USP35: variants seen among roughly 807,000 people sequenced by gnomAD.
USP35 encodes ubiquitin specific peptidase 35, also known as ubiquitin carboxyl-terminal hydrolase 35.
Under a neutral mutation model 83.8 loss-of-function variants are expected in USP35, and 69 were observed. The observed-to-expected ratio is 0.82, with a 90% CI of 0.68 to 1.01. The LOEUF (loss-of-function observed/expected upper bound fraction) is 1.01, where lower values mean the gene tolerates loss of function less well. USP35 is among the 50% of genes least tolerant of loss of function. USP35 has a pLI of 0.00. For synonymous variants in USP35, 714 were observed against 589.5 expected (o/e 1.21, Z -3.06); for missense variants, 1,503 against 1,362.5 (o/e 1.10, Z -1.62).
Position 78,214,544 on chromosome 11 carries a change from TAGGAAGCCTG to T in USP35, c.*732_*741del, listed in dbSNP as rs1231534772. The T allele has an allele frequency of 2.0e-5, 3 of 150,042 alleles. No individual in the cohort carries two copies. The highest frequency in any genetic ancestry group is 4.4e-5 in the Non-Finnish European group (3 of 67,936). 9.3% of individuals were successfully genotyped at this position (150,042 alleles called of 1,614,324 possible). A position where few individuals can be genotyped will look rare whatever the true frequency, so the allele number is the denominator to read the frequency against. ...ATGTTCCTTGTGAAGTGTGGGCTCT[TAGGAAGCCTG>T]TGGGCTCCTCTGAGCAGTTGGCCTT... On this transcript the variant is annotated 3_prime_UTR_variant, in exon 11 of 11. Coordinates refer to ENST00000529308, the MANE Select transcript of USP35 (RefSeq NM_020798.4).
chr11:78,226,224 A>G, the USP35 span, among the ~76,000 whole-genome samples: 1 of 152,250 alleles, frequency 6.6e-6, no homozygotes, highest in Non-Finnish European at 1.5e-5. Context: ...CCTATTCTCC[A>G]TTAGTAGAAC....
In USP35 at chr11:78,213,748, G is replaced by T. The variant is rs760707490; in HGVS notation, c.2992G>T (p.Gly998Cys). ...TGATGAAGACAAGGATGAGGATGAA[G>T]GCTCTCCAGGGGGCTGCAATCCTGC... ...GFDEDKDEDE[G>C]SPGGCNPAGG... Residue 998 changes from glycine (G) to cysteine (C), a missense_variant, in exon 11 of 11, where the codon GGC becomes TGC. Physicochemically the swap from Gly to Cys is radical, Grantham distance 159. Coordinates refer to ENST00000529308, the MANE Select transcript of USP35 (RefSeq NM_020798.4). 5 of 1,542,218 alleles carry T rather than the reference G, an allele frequency of 3.2e-6. No individual in the cohort carries two copies. In the African/African-American group the frequency reaches 7.2e-5, roughly 22 times the overall value.
the USP35 span, among the ~76,000 whole-genome samples, chr11:78,230,956 C>A: frequency 3.9e-5 from 6 of 152,298 alleles, no homozygotes; most frequent in East Asian, 1.2e-3. Context: ...GATAATCCAC[C>A]TGGAAGTGGT....
intron 1 of USP35, among the ~76,000 whole-genome samples, chr11:78,192,467 G>T (rs1328253034): frequency 2.6e-5 from 4 of 152,230 alleles, no homozygotes; most frequent in African/African-American, 2.4e-5. Context: ...GGCCTGATGG[G>T]GCCAGGTGAG....
At chr11:78,198,583 G>T in intron 3 of USP35, 1 of 983,902 alleles carries the variant, frequency 1.0e-6, no homozygotes, top group Non-Finnish European at 1.2e-6. Flanking sequence ...CTCCCTGCAG[G>T]CCTTTGCCTA....
chr11:78,221,662 G>C, the USP35 span: 1 of 1,546,850 alleles, frequency 6.5e-7, no homozygotes, highest in Non-Finnish European at 8.9e-7. Flanking sequence ...TTCCAGCGAA[G>C]CCCGAAGGAC....
At chr11:78,231,852 A>G in the USP35 span, 5 of 152,264 alleles carry the variant, frequency 3.3e-5, no homozygotes, top group Non-Finnish European at 7.3e-5. Context: ...GTGACTTAAT[A>G]TAAAATGCTT....
At chr11:78,200,832 G>A (rs780619513) in intron 6 of USP35, 24 bp downstream of exon 6, 24 of 1,577,330 alleles carry the variant, frequency 1.5e-5, no homozygotes, top group South Asian at 2.3e-5. Context: ...CCCTACTTGG[G>A]CCTTGCCCCA....
chr11:78,207,379 C>T (rs530622416), intron 7 of USP35, 151 bp from the exon 8 acceptor site: 38 of 691,648 alleles, frequency 5.5e-5, no homozygotes, highest in Admixed American at 3.0e-4. Flanking sequence ...ACCTGCTCCT[C>T]CTCCCCAGCC....
chr11:78,203,892 C>CTTTTTTT, intron 6 of USP35, among the ~76,000 whole-genome samples: 1 of 114,366 alleles, frequency 8.7e-6, no homozygotes, highest in Non-Finnish European at 1.9e-5. Flanking sequence ...TTTTTCTTTT[C>CTTTTTTT]TTTTTTTTTT....
chr11:78,225,785 T>C, the USP35 span, among the ~76,000 whole-genome samples: 1 of 152,316 alleles, frequency 6.6e-6, no homozygotes, highest in Admixed American at 6.5e-5. Context: ...TCATGTGAGA[T>C]GGAGACAAGG....
chr11:78,227,981 T>A, the USP35 span, among the ~76,000 whole-genome samples: 661 of 152,230 alleles, frequency 4.3e-3, 2 homozygotes, highest in African/African-American at 0.015. Flanking sequence ...TAGAAAAAGT[T>A]TTGATTAGTA....
chr11:78,226,406 T>C, the USP35 span: 4 of 1,341,332 alleles, frequency 3.0e-6, no homozygotes, highest in Middle Eastern at 1.8e-4. Flanking sequence ...CATCAAACTA[T>C]TGAGAACCCC....
the USP35 span, among the ~76,000 whole-genome samples, chr11:78,230,560 A>G: frequency 3.9e-4 from 60 of 152,368 alleles, no homozygotes; most frequent in South Asian, 0.012. Context: ...TCAGTTATTC[A>G]GGTCTGTGTC....
chr11:78,230,015 A>G, the USP35 span, among the ~76,000 whole-genome samples: 4 of 152,342 alleles, frequency 2.6e-5, no homozygotes, highest in Middle Eastern at 6.8e-3. Flanking sequence ...ATTAGGCACC[A>G]TTACTACTTA....
At position 78,214,325 on chromosome 11, in the gene USP35, GAGA is replaced by G. The variant is rs1248736187; in HGVS notation, c.*517_*519del. 2 of 137,840 alleles carry G rather than the reference GAGA, an allele frequency of 1.5e-5. No homozygotes were observed. Among genetic ancestry groups the G allele is most frequent in the Non-Finnish European group, 3.0e-5 (2 of 66,100 alleles). 8.5% of individuals were successfully genotyped at this position (137,840 alleles called of 1,614,324 possible). On this transcript the variant is annotated 3_prime_UTR_variant, in exon 11 of 11. Coordinates refer to ENST00000529308, the MANE Select transcript of USP35 (RefSeq NM_020798.4). ...GTACCTGCACTGTCTGTACCTTTCT[GAGA>G]AGAACAGAGACCGAGACCTGCCCCC...
chr11:78,197,239 G>T (rs887156850), intron 2 of USP35, among the ~76,000 whole-genome samples: 1 of 23,700 alleles, frequency 4.2e-5, no homozygotes, highest in East Asian at 4.6e-4. Flanking sequence ...CGGGGGAGGT[G>T]GGGGGGGGGG....
intron 1 of USP35, among the ~76,000 whole-genome samples, chr11:78,194,733 C>G (rs1355227247): frequency 6.6e-6 from 1 of 152,088 alleles, no homozygotes; most frequent in South Asian, 2.1e-4. Flanking sequence ...GTAGAGATGA[C>G]TCACACTGCA....
chr11:78,226,642 G>A, the USP35 span: 1 of 1,614,024 alleles, frequency 6.2e-7, no homozygotes, highest in Non-Finnish European at 8.5e-7. Context: ...GAGTCCCCAG[G>A]AGTGGCCACT....
Sources: gnomAD v4.1 joint callset for allele counts (sites outside exome capture counted in the v4.1 genomes callset) on GRCh38, gnomAD v4.1.1 for gene constraint, MANE v1.5 for transcripts, NCBI Gene and HGNC (gene_info 2026-07-23, HGNC 2026-07-21) for gene names.